The following MARCHF1 variants were observed in gnomAD, a reference collection of about 807,000 sequenced individuals.
The protein encoded by MARCHF1 is membrane associated ring-CH-type finger 1.
A neutral mutation model predicts 54.2 loss-of-function variants in MARCHF1; 40 were observed. The observed-to-expected ratio is 0.74, with a 90% confidence interval of 0.57 to 0.96. MARCHF1 has a LOEUF of 0.96. Ranked by LOEUF, MARCHF1 falls within the 40% of genes least tolerant of loss-of-function variation. MARCHF1 has a pLI of 0.00. For synonymous variants in MARCHF1, 236 were observed against 236.3 expected (o/e 1.00, Z 0.01); for missense variants, 586 against 656.5 (o/e 0.89, Z 1.17).
chr4:164,350,034 T>A (rs773243072), intron 1 of MARCHF1, among the ~76,000 whole-genome samples: 5 of 152,188 alleles, frequency 3.3e-5, no homozygotes, highest in Non-Finnish European at 2.9e-5. Flanking sequence ...TTTTGCATAG[T>A]TCTGAGATTA....
chr4:164,096,366 G>C (rs1041329329), intron 2 of MARCHF1, among the ~76,000 whole-genome samples: 1 of 151,902 alleles, frequency 6.6e-6, no homozygotes, highest in Non-Finnish European at 1.5e-5. Flanking sequence ...GCTAAATCTT[G>C]GGTTCCTGTG....
intron 2 of MARCHF1, among the ~76,000 whole-genome samples, chr4:164,071,683 T>G (rs1216497062): frequency 6.6e-6 from 1 of 152,210 alleles, no homozygotes; most frequent in African/African-American, 2.4e-5. Context: ...GTCTTACTTC[T>G]TTTTATAAGA....
chr4:163,625,689 AT>A (rs1741846856), intron 5 of MARCHF1, among the ~76,000 whole-genome samples: 1 of 152,234 alleles, frequency 6.6e-6, no homozygotes, highest in Non-Finnish European at 1.5e-5. Flanking sequence ...TATGTAAGTC[AT>A]GAGGCTCTTT....
intron 8 of MARCHF1, among the ~76,000 whole-genome samples, chr4:163,570,180 T>C (rs1456148454): frequency 6.6e-6 from 1 of 152,110 alleles, no homozygotes. Context: ...AATCATCTAG[T>C]GCCTGAGAAA....
At position 164,376,787 on chromosome 4, in the gene MARCHF1, G is replaced by A. The variant is rs111491500; in HGVS notation, c.-323+7083C>T. 1.7e-3 allele frequency among the ~76,000 whole-genome samples: 252 copies of A among 152,298 alleles called. 1 individual carries two copies. The highest frequency in any genetic ancestry group is 6.8e-3 in the Middle Eastern group (2 of 294). ...GAAAAGAAAGTGAAAGATACTCAGC[G>A]CAAGCTTGAGATGGGAAATAGCACA... On this transcript the variant is annotated intron_variant, in intron 1 of 9. Transcript: ENST00000514618.
At chr4:164,091,426 ATATGTAT>A (rs1435240242) in intron 2 of MARCHF1, among the ~76,000 whole-genome samples, 1 of 146,266 alleles carries the variant, frequency 6.8e-6, no homozygotes, top group Non-Finnish European at 1.5e-5. Context: ...ATATATATAT[ATATGTAT>A]AAAATGAATT....
intron 3 of MARCHF1, among the ~76,000 whole-genome samples, chr4:163,981,492 C>T (rs1204270291): frequency 2.0e-5 from 3 of 152,090 alleles, no homozygotes; most frequent in African/African-American, 4.8e-5. Flanking sequence ...TTAACAGGGT[C>T]GCAGAGACAA....
At chr4:163,633,043 G>A (rs548810203) in intron 5 of MARCHF1, among the ~76,000 whole-genome samples, 25 of 152,150 alleles carry the variant, frequency 1.6e-4, no homozygotes, top group African/African-American at 6.0e-4. Flanking sequence ...GGTCCTGTCT[G>A]TTAGAAGGAA....
chr4:163,892,636 AAAAAAT>A (rs1750686045), intron 3 of MARCHF1, among the ~76,000 whole-genome samples: 1 of 151,488 alleles, frequency 6.6e-6, no homozygotes, highest in South Asian at 2.1e-4. Context: ...AAAAATTAAA[AAAAAAT>A]AAAAATAATG....
chr4:163,892,381 A>T (rs1750679665), intron 3 of MARCHF1, among the ~76,000 whole-genome samples: 1 of 152,102 alleles, frequency 6.6e-6, no homozygotes, highest in Non-Finnish European at 1.5e-5. Flanking sequence ...GGAAGAAGCA[A>T]ACACTTCAAG....
intron 1 of MARCHF1, among the ~76,000 whole-genome samples, chr4:164,235,651 G>GT (rs1345850954): frequency 6.6e-6 from 1 of 152,080 alleles, no homozygotes. Context: ...ACCAAAGACT[G>GT]TATGTGCTCA....
At chr4:163,902,482 T>C (rs974815606) in intron 3 of MARCHF1, among the ~76,000 whole-genome samples, 3 of 152,186 alleles carry the variant, frequency 2.0e-5, no homozygotes, top group Non-Finnish European at 2.9e-5. Flanking sequence ...GCCCCTTTTT[T>C]AATGAGAAAA....
At chr4:163,888,474 T>G (rs1230651737) in intron 3 of MARCHF1, among the ~76,000 whole-genome samples, 1 of 152,230 alleles carries the variant, frequency 6.6e-6, no homozygotes, top group African/African-American at 2.4e-5. Context: ...GCCCCTGCTT[T>G]GAGTTCCATA....
At chr4:163,946,540 T>C (rs1416076291) in intron 3 of MARCHF1, among the ~76,000 whole-genome samples, 1 of 152,214 alleles carries the variant, frequency 6.6e-6, no homozygotes, top group African/African-American at 2.4e-5. Flanking sequence ...TTCCTGATTC[T>C]TCTAGTCCAA....
At chr4:164,319,442 G>A (rs1311253038) in intron 1 of MARCHF1, among the ~76,000 whole-genome samples, 2 of 152,122 alleles carry the variant, frequency 1.3e-5, no homozygotes, top group East Asian at 3.9e-4. Context: ...ATCCCAAGCA[G>A]AATGTTGCCT....
chr4:163,820,736 A>G (rs761088938), intron 4 of MARCHF1, among the ~76,000 whole-genome samples: 3 of 151,984 alleles, frequency 2.0e-5, no homozygotes, highest in Non-Finnish European at 2.9e-5. Flanking sequence ...TCAATCCATC[A>G]CTAAATCTTA....
At chr4:164,112,729 TAC>T (rs1472196200) in intron 1 of MARCHF1, among the ~76,000 whole-genome samples, 1 of 151,836 alleles carries the variant, frequency 6.6e-6, no homozygotes, top group Admixed American at 6.6e-5. Flanking sequence ...TCACACTATA[TAC>T]AACAAATGAA....
intron 5 of MARCHF1, among the ~76,000 whole-genome samples, chr4:163,667,829 G>A (rs1426221097): frequency 1.3e-5 from 2 of 152,068 alleles, no homozygotes; most frequent in Non-Finnish European, 2.9e-5. Context: ...GTTTCACCAT[G>A]TTGCCCAAGC....
chr4:163,683,579 A>G (rs1255609954), intron 5 of MARCHF1, among the ~76,000 whole-genome samples: 1 of 152,210 alleles, frequency 6.6e-6, no homozygotes, highest in African/African-American at 2.4e-5. Flanking sequence ...AAGAAAAAAA[A>G]CTAGTTGGAA....
Sources: gnomAD v4.1 joint callset for allele counts (sites outside exome capture counted in the v4.1 genomes callset) on GRCh38, gnomAD v4.1.1 for gene constraint, MANE v1.5 for transcripts, NCBI Gene and HGNC (gene_info 2026-07-23, HGNC 2026-07-21) for gene names.